Variants in LRRTM4 observed in about 807,000 individuals in gnomAD.
The protein encoded by LRRTM4 is leucine rich repeat transmembrane neuronal 4.
Under a neutral mutation model 47.6 loss-of-function variants are expected in LRRTM4, and 25 were observed. The observed-to-expected ratio is 0.53, with a 90% CI of 0.38 to 0.73. LRRTM4 has a LOEUF of 0.73. Ranked by LOEUF, LRRTM4 falls within the 30% of genes least tolerant of loss-of-function variation. LRRTM4 has a pLI of 0.00. For synonymous variants in LRRTM4, 311 were observed against 269.5 expected (o/e 1.15, Z -1.51); for missense variants, 638 against 713.4 (o/e 0.89, Z 1.20).
At chr2:77,383,616 G>A (rs990501900) in intron 3 of LRRTM4, among the ~76,000 whole-genome samples, 1 of 152,022 alleles carries the variant, frequency 6.6e-6, no homozygotes, top group African/African-American at 2.4e-5. Context: ...GATGTTCCAG[G>A]TTCTGCTTAA....
chr2:76,902,507 T>C (rs1180229083), intron 3 of LRRTM4, among the ~76,000 whole-genome samples: 3 of 152,168 alleles, frequency 2.0e-5, no homozygotes, highest in South Asian at 2.1e-4. Context: ...CATGTGGACT[T>C]TGATGACCTT....
chr2:77,506,670 A>G (rs1558775031), intron 3 of LRRTM4, among the ~76,000 whole-genome samples: 1 of 151,906 alleles, frequency 6.6e-6, no homozygotes, highest in Non-Finnish European at 1.5e-5. Context: ...TTTTTGAGAG[A>G]GCAATTTTGG....
intron 3 of LRRTM4, among the ~76,000 whole-genome samples, chr2:77,192,486 G>C (rs1673697140): frequency 6.6e-6 from 1 of 152,048 alleles, no homozygotes; most frequent in African/African-American, 2.4e-5. Flanking sequence ...AAATAGCAGT[G>C]TGATAGTTGA....
At chr2:76,919,258 A>G (rs1184058252) in intron 3 of LRRTM4, among the ~76,000 whole-genome samples, 1 of 152,174 alleles carries the variant, frequency 6.6e-6, no homozygotes, top group East Asian at 1.9e-4. Flanking sequence ...TAAGACTTCA[A>G]TTCCCCATAG....
At chr2:77,175,172 C>A (rs542201269) in intron 3 of LRRTM4, among the ~76,000 whole-genome samples, 2 of 151,054 alleles carry the variant, frequency 1.3e-5, no homozygotes, top group African/African-American at 4.9e-5. Flanking sequence ...TGGGTTCAAG[C>A]GATTCTCATG....
intron 3 of LRRTM4, among the ~76,000 whole-genome samples, chr2:76,901,805 T>C (rs1673647333): frequency 6.6e-6 from 1 of 152,154 alleles, no homozygotes; most frequent in Non-Finnish European, 1.5e-5. Context: ...ACACTGGATC[T>C]GGCAGTAACT....
At chr2:77,429,665 T>C (rs1478118589) in intron 3 of LRRTM4, among the ~76,000 whole-genome samples, 1 of 152,056 alleles carries the variant, frequency 6.6e-6, no homozygotes, top group East Asian at 1.9e-4. Context: ...GTTGAACTCA[T>C]AGAAGTAGAG....
intron 3 of LRRTM4, among the ~76,000 whole-genome samples, chr2:77,072,552 C>T (rs1231247312): frequency 6.6e-6 from 1 of 152,044 alleles, no homozygotes; most frequent in Non-Finnish European, 1.5e-5. Flanking sequence ...AATCCCAGCA[C>T]TTAGGGAGAC....
At chr2:77,032,949 A>G (rs1461143923) in intron 3 of LRRTM4, among the ~76,000 whole-genome samples, 1 of 152,104 alleles carries the variant, frequency 6.6e-6, no homozygotes, top group Admixed American at 6.6e-5. Flanking sequence ...GTACTAAGTA[A>G]GAGTGATCTA....
chr2:77,063,018 G>C (rs549186452), intron 3 of LRRTM4, among the ~76,000 whole-genome samples: 1 of 146,884 alleles, frequency 6.8e-6, no homozygotes, highest in African/African-American at 2.5e-5. Flanking sequence ...GCAGTGGCAC[G>C]ATCTCGGCTC....
intron 3 of LRRTM4, among the ~76,000 whole-genome samples, chr2:77,344,911 A>G (rs935452557): frequency 2.6e-5 from 4 of 151,674 alleles, no homozygotes; most frequent in African/African-American, 9.7e-5. Flanking sequence ...AATCCTTACC[A>G]GATTTCTTTT....
chr2:76,785,485 G>A (rs373630287), intron 3 of LRRTM4, among the ~76,000 whole-genome samples: 40 of 152,168 alleles, frequency 2.6e-4, no homozygotes, highest in African/African-American at 9.4e-4. Flanking sequence ...GATCATATGG[G>A]TACGTCAGTC....
intron 3 of LRRTM4, among the ~76,000 whole-genome samples, chr2:77,163,146 G>A (rs926576555): frequency 6.6e-6 from 1 of 152,150 alleles, no homozygotes; most frequent in Non-Finnish European, 1.5e-5. Flanking sequence ...ACCTGATGGA[G>A]CTGAAAACCA....
At chr2:77,471,865 T>C (rs531975559) in intron 3 of LRRTM4, among the ~76,000 whole-genome samples, 42 of 152,332 alleles carry the variant, frequency 2.8e-4, no homozygotes, top group Non-Finnish European at 5.1e-4. Context: ...TGTACACACA[T>C]ATACAGTTTA....
intron 3 of LRRTM4, among the ~76,000 whole-genome samples, chr2:77,073,428 G>A (rs1382879300): frequency 6.6e-6 from 1 of 151,910 alleles, no homozygotes; most frequent in East Asian, 1.9e-4. Context: ...TACATAGGAT[G>A]AGGAATTATA....
intron 3 of LRRTM4, among the ~76,000 whole-genome samples, chr2:76,883,537 C>G (rs1672989045): frequency 6.6e-6 from 1 of 152,070 alleles, no homozygotes; most frequent in South Asian, 2.1e-4. Context: ...GAAAATTAAC[C>G]AAACTACCCA....
At chr2:77,018,564 T>C (rs971661947) in intron 3 of LRRTM4, among the ~76,000 whole-genome samples, 1 of 152,170 alleles carries the variant, frequency 6.6e-6, no homozygotes, top group Non-Finnish European at 1.5e-5. Flanking sequence ...ACCTTTTGCA[T>C]TTCTGGTGAT....
intron 3 of LRRTM4, among the ~76,000 whole-genome samples, chr2:76,900,830 C>G (rs1013959815): frequency 9.2e-5 from 14 of 152,088 alleles, no homozygotes; most frequent in Non-Finnish European, 1.0e-4. Flanking sequence ...TAAGTAAAAA[C>G]AGTGCAATTC....
At chr2:77,339,773 G>A (rs1388218145) in intron 3 of LRRTM4, among the ~76,000 whole-genome samples, 2 of 151,932 alleles carry the variant, frequency 1.3e-5, no homozygotes, top group African/African-American at 2.4e-5. Context: ...TCATAGGCCA[G>A]ACATAATGTG....
Sources: allele counts gnomAD v4.1 joint callset (sites outside exome capture counted in the v4.1 genomes callset), GRCh38; gene constraint gnomAD v4.1.1; transcripts MANE v1.5; gene names NCBI Gene and HGNC (gene_info 2026-07-23, HGNC 2026-07-21).